Variants in PNPLA7 observed in about 807,000 individuals in gnomAD.
PNPLA7 encodes the protein patatin like domain 7, lysophospholipase, also known as patatin-like phospholipase domain-containing protein 7.
Under a neutral mutation model 161.7 loss-of-function variants are expected in PNPLA7, and 153 were observed. The ratio of observed to expected loss-of-function variants is 0.95; its 90% CI spans 0.83 to 1.08. The LOEUF (loss-of-function observed/expected upper bound fraction) is 1.08. PNPLA7 is among the 50% of genes least tolerant of loss of function. PNPLA7 has a pLI of 0.00. For missense variants in PNPLA7, 1,739 were observed against 1,856.6 expected (o/e 0.94, Z 1.16); for synonymous variants, 809 against 782.1 (o/e 1.03, Z -0.57).
At chr9:137,487,102 C>T (rs1832525103) in intron 20 of PNPLA7, among the ~76,000 whole-genome samples, 1 of 152,328 alleles carries the variant, frequency 6.6e-6, no homozygotes, top group East Asian at 1.9e-4. Flanking sequence ...TGCCAGCTTC[C>T]GACAGGGCCC....
In PNPLA7 at chr9:137,540,575, G is replaced by T; in HGVS notation, c.747+67C>A. ...TAACCACTACCAGCTGTCCAGACAA[G>T]ACAGAAAAACCAGGCCTCCGGGGCC... On this transcript the variant is annotated intron_variant, in intron 8 of 34. Coordinates refer to ENST00000406427, the MANE Select transcript of PNPLA7 (RefSeq NM_001098537.3). The surrounding 1 kb of genome is among the most constrained non-coding windows in gnomAD (Gnocchi z 5.1). The T allele has an allele frequency of 7.2e-7, 1 of 1,388,600 alleles. No homozygotes were observed. 86.0% of individuals were successfully genotyped at this position (1,388,600 alleles called of 1,614,324 possible). A position where few individuals can be genotyped will look rare whatever the true frequency, so the allele number is the denominator to read the frequency against.
chr9:137,519,379 C>T (rs1834865771), intron 11 of PNPLA7, among the ~76,000 whole-genome samples: 3 of 152,198 alleles, frequency 2.0e-5, no homozygotes, highest in African/African-American at 4.8e-5. Flanking sequence ...GGCCCACTCC[C>T]CACCAGGCAC....
chr9:137,463,325 T>C lies in PNPLA7; in HGVS notation c.3343+90A>G, dbSNP rs531621661. The C allele has an allele frequency of 2.1e-5, 25 of 1,188,134 alleles. No individual in the cohort carries two copies. The African/African-American group carries it at 2.9e-4, about 14-fold the overall frequency. The allele number at this position is 1,188,134 out of a possible 1,614,324, so 73.6% of individuals were successfully genotyped here. A position where few individuals can be genotyped will look rare whatever the true frequency, so the allele number is the denominator to read the frequency against. ...GAAAACGTGTTCCAGCCCAGGCTTC[T>C]TGGAGCGGAGGCAGCTGTGGCAGGG... On this transcript the variant is annotated intron_variant, in intron 29 of 34. Transcript: ENST00000406427.
intron 14 of PNPLA7, among the ~76,000 whole-genome samples, chr9:137,502,827 T>G (rs972274080): frequency 7.5e-6 from 1 of 133,072 alleles, no homozygotes; most frequent in Non-Finnish European, 1.6e-5. Flanking sequence ...TTTGGCCATT[T>G]TAAGGATTAC....
Position 137,467,368 on chromosome 9 carries a change from A to C in PNPLA7, c.2988T>G (p.Ser996=). The change falls in exon 26 of 35, where the codon TCT becomes TCG. Residue 996 remains serine, a synonymous_variant. Transcript: ENST00000406427. This position sits in a 1 kb window ranked among gnomAD's most constrained non-coding sequence, Gnocchi z 5.1. ...SIGAFVGALY[S]EERNYSQMRI... is the part of the protein sequence containing the mutation. ...GCATCTGGCTGTAGTTCCGCTCCTC[A>C]GAGTACAGGGCACCCACGAAGGCCC... 1 of 1,613,528 alleles carries C rather than the reference A, an allele frequency of 6.2e-7. No individual in the cohort carries two copies. Among genetic ancestry groups the C allele is most frequent in the Non-Finnish European group, 8.5e-7 (1 of 1,179,964 alleles).
rs1364138030 is a variant in PNPLA7 at position 137,486,028 on chromosome 9, G to T, written c.2198-1292C>A. Among the ~76,000 whole-genome samples the T allele has an allele frequency of 6.6e-6, 1 of 151,812 alleles. No individual in the cohort carries two copies. Among genetic ancestry groups the T allele is most frequent in the Non-Finnish European group, 1.5e-5 (1 of 67,952 alleles). ...ACCAGCCACGCTCCTGCCCACGAGG[G>T]TCTCCTGCATCTAGGTGCCGTGGAT... On this transcript the variant is annotated intron_variant, in intron 20 of 34. Coordinates refer to ENST00000406427, the MANE Select transcript of PNPLA7 (RefSeq NM_001098537.3). This position sits in a 1 kb window ranked among gnomAD's most constrained non-coding sequence, Gnocchi z 6.0.
intron 25 of PNPLA7, among the ~76,000 whole-genome samples, chr9:137,474,637 G>A (rs1831855646): frequency 6.6e-6 from 1 of 152,156 alleles, no homozygotes; most frequent in East Asian, 1.9e-4. Flanking sequence ...AAGTGGAACA[G>A]AAGGACAGAG....
Position 137,522,949 on chromosome 9 carries a change from G to T in PNPLA7, c.748-92C>A, listed in dbSNP as rs191657205. ...TCCTGGAAGCCCTGGAGGAGGCCCC[G>T]CCTGCTGCCCAGTCACACGGCTCCA... On this transcript the variant is annotated intron_variant, in intron 8 of 34. Transcript: ENST00000406427. 299 of 1,540,286 alleles carry T rather than the reference G, an allele frequency of 1.9e-4. No individual in the cohort carries two copies. In the Middle Eastern group the frequency reaches 5.8e-3, roughly 30 times the overall value.
At chr9:137,515,678 C>T (rs929874455) in intron 11 of PNPLA7, among the ~76,000 whole-genome samples, 159 bp from the exon 12 acceptor site, 4 of 151,658 alleles carry the variant, frequency 2.6e-5, no homozygotes, top group East Asian at 2.0e-4. Context: ...CTGCATCTGC[C>T]GGGCCAGCAG....
chr9:137,533,250 A>C (rs1475905020), intron 8 of PNPLA7, among the ~76,000 whole-genome samples: 2 of 144,932 alleles, frequency 1.4e-5, no homozygotes, highest in Non-Finnish European at 1.5e-5. Context: ...GGACTCCCAG[A>C]CTCCTCCCCA....
chr9:137,489,238 C>T (rs1276322862), intron 20 of PNPLA7, among the ~76,000 whole-genome samples: 1 of 152,230 alleles, frequency 6.6e-6, no homozygotes, highest in Non-Finnish European at 1.5e-5. Context: ...CTGAAGATGG[C>T]GCAGAATGCA....
chr9:137,462,553 G>A (rs1831267851), intron 30 of PNPLA7, 132 bp downstream of exon 30: 3 of 1,410,626 alleles, frequency 2.1e-6, no homozygotes, highest in Middle Eastern at 2.4e-4. Flanking sequence ...CTCAGGCAGG[G>A]GTGGTGAGGG....
rs1269997783 is a variant in PNPLA7 at position 137,498,148 on chromosome 9, A to C, written c.1855T>G (p.Trp619Gly). 6.2e-7 allele frequency: 1 copy of C among 1,613,026 alleles called. No individual in the cohort carries two copies. The highest frequency in any genetic ancestry group is 2.2e-5 in the East Asian group (1 of 44,886). The change falls in exon 17 of 35, where the codon TGG becomes GGG. Residue 619 changes from tryptophan to glycine, a missense_variant. Transcript: ENST00000406427. Reference sequence around the variant, plus strand: ...GCTCGCCCGGCCTCCACCTCCACCCAGTCCAGGGCAAAGTCGATTTGCCGC... The same window carrying C: ...GCTCGCCCGGCCTCCACCTCCACCCCGTCCAGGGCAAAGTCGATTTGCCGC... ...FVRQIDFALD[W>G]VEVEAGRAIY...
chr9:137,483,659 G>C lies in PNPLA7; in HGVS notation c.2347+928C>G, dbSNP rs112319577. 5.2e-3 allele frequency among the ~76,000 whole-genome samples: 784 copies of C among 151,904 alleles called. 4 individuals are homozygous for C. The highest frequency in any genetic ancestry group is 0.018 in the African/African-American group (740 of 41,408). ...TTTAGTAGAAACGGGGTTTCACCAT[G>C]TTGGCCAGGCTTGTCTAGAACTCCT... On this transcript the variant is annotated intron_variant, in intron 21 of 34. Transcript: ENST00000406427.
chr9:137,505,075 C>A (rs1362920030), intron 14 of PNPLA7, among the ~76,000 whole-genome samples: 1 of 150,354 alleles, frequency 6.7e-6, no homozygotes, highest in African/African-American at 2.5e-5. Flanking sequence ...TGTATCCCAG[C>A]TACTTGGGAG....
Position 137,461,854 on chromosome 9 carries a change from TGAACTGGGCGTGGGCGTGGCCCGAA to T in PNPLA7, c.3756+52_3756+76del, listed in dbSNP as rs1308845878. On this transcript the variant is annotated intron_variant, in intron 32 of 34. Transcript: ENST00000406427. ...GCCTGAGGAGCTGGGCGTGGCCTGA[TGAACTGGGCGTGGGCGTGGCCCGAA>T]GAACTGGGCGCGGTCCGGGGAGCTG... 97 of 1,422,734 alleles carry T rather than the reference TGAACTGGGCGTGGGCGTGGCCCGAA, an allele frequency of 6.8e-5. No individual in the cohort carries two copies. In the South Asian group the frequency reaches 7.8e-4, roughly 11 times the overall value. 88.1% of individuals were successfully genotyped at this position (1,422,734 alleles called of 1,614,324 possible).
At position 137,480,379 on chromosome 9, in the gene PNPLA7, C is replaced by A. The variant is rs368070066; in HGVS notation, c.2513G>T (p.Arg838Leu). The change falls in exon 23 of 35, where the codon CGC (arginine) becomes CTC (leucine). Residue 838 changes from arginine to leucine, a missense_variant. By Grantham distance (102) the Arg-to-Leu change is moderately radical (BLOSUM62 -2). Around this residue, in one of 6 missense-constraint regions of PNPLA7, gnomAD observed 192 missense variants for 249.5 expected, o/e 0.77. Transcript: ENST00000406427. ...GATGCAGTCGGCCTGGCGCACGCAGCGCTGGGTCCAGGGTGTGAGCGTGCC... is the reference window on the plus strand; with the variant it reads ...GATGCAGTCGGCCTGGCGCACGCAGAGCTGGGTCCAGGGTGTGAGCGTGCC... ...ADGTLTPWTQ[R>L]CVRQADCILI... is the part of the protein sequence containing the mutation. 25 of 1,613,490 alleles carry A rather than the reference C, an allele frequency of 1.5e-5. No homozygotes were observed. The highest frequency in any genetic ancestry group is 1.3e-5 in the African/African-American group (1 of 74,944).
intron 16 of PNPLA7, 43 bp from the exon 17 acceptor site, chr9:137,498,288 C>A (rs1833177763): frequency 6.2e-7 from 1 of 1,600,882 alleles, no homozygotes; most frequent in East Asian, 2.2e-5. Flanking sequence ...TCCCTCCAAC[C>A]CTACCCTTCG....
chr9:137,506,598 C>T lies in PNPLA7; in HGVS notation c.1226-515G>A, dbSNP rs150961511. On this transcript the variant is annotated intron_variant, in intron 12 of 34. Coordinates refer to ENST00000406427, the MANE Select transcript of PNPLA7 (RefSeq NM_001098537.3). ...AGCCCCATCTCAGAGGTTCGCTCTT[C>T]GCAGTCCAGCCCCATCTTGGAGGGA... is the stretch of plus-strand genomic sequence containing the variant. Among the ~76,000 whole-genome samples the T allele has an allele frequency of 4.4e-3, 673 of 152,282 alleles. 2 individuals carry two copies. Among genetic ancestry groups the T allele is most frequent in the South Asian group, 8.5e-3 (41 of 4,826 alleles).
Sources: allele counts gnomAD v4.1 joint callset (sites outside exome capture counted in the v4.1 genomes callset), GRCh38; gene constraint gnomAD v4.1.1; regional missense constraint gnomAD v4.1.1; non-coding constraint Gnocchi (gnomAD v3.1); transcripts MANE v1.5; gene names NCBI Gene and HGNC (gene_info 2026-07-23, HGNC 2026-07-21).